PCNT: variants seen among roughly 807,000 people sequenced by gnomAD.
PCNT encodes pericentrin.
Under a neutral mutation model 380.4 loss-of-function variants are expected in PCNT, and 319 were observed. The observed-to-expected ratio is 0.84, with a 90% CI of 0.77 to 0.92. The LOEUF is 0.92. Among genes scored for constraint, PCNT ranks in the 40% least tolerant of loss-of-function variants. The probability of loss-of-function intolerance (pLI) is 0.00; values close to 1 mark genes in which losing one functional copy is unlikely to be tolerated. For synonymous variants in PCNT, 1,845 were observed against 1,735.2 expected, an observed-to-expected ratio of 1.06 and a Z score of -1.57; for missense variants, 4,400 against 4,255.3, an observed-to-expected ratio of 1.03 and a Z score of -0.95.
chr21:46,325,197 C>T, intron 1 of PCNT: 1 of 985,412 alleles, frequency 1.0e-6, no homozygotes, highest in South Asian at 4.7e-5. Flanking sequence ...CGGGAGCAGG[C>T]CGGCCTCTGC....
At chr21:46,389,521 G>A (rs1037025790) in intron 19 of PCNT, 90 bp downstream of exon 19, 19 of 1,029,572 alleles carry the variant, frequency 1.8e-5, no homozygotes, top group South Asian at 1.3e-4. Flanking sequence ...CGGTGCCAAC[G>A]ACGCTCGCAC....
chr21:46,365,944 A>G (rs886301712), intron 14 of PCNT, among the ~76,000 whole-genome samples: 7 of 130,650 alleles, frequency 5.4e-5, no homozygotes, highest in East Asian at 4.9e-4. Context: ...GTGGGGTTCT[A>G]TTCACTGCTG....
chr21:46,440,718 A>G, intron 42 of PCNT, 137 bp from the exon 43 acceptor site: 1 of 529,034 alleles, frequency 1.9e-6, no homozygotes, highest in Admixed American at 3.4e-5. Context: ...ATACTGTTGG[A>G]AGGCCGATGG....
chr21:46,407,402 C>T (rs1485999469), intron 27 of PCNT, among the ~76,000 whole-genome samples: 1 of 131,050 alleles, frequency 7.6e-6, no homozygotes, highest in Non-Finnish European at 1.5e-5. Context: ...AGTGCAATGG[C>T]GCGATCTCGG....
intron 15 of PCNT, among the ~76,000 whole-genome samples, chr21:46,381,464 C>T (rs1472493098): frequency 1.3e-5 from 2 of 152,046 alleles, no homozygotes; most frequent in Non-Finnish European, 2.9e-5. Context: ...GTCACCAGTG[C>T]GAACTTGTGT....
intron 3 of PCNT, among the ~76,000 whole-genome samples, chr21:46,342,343 GTGATC>G (rs982438462): frequency 6.6e-6 from 1 of 152,102 alleles, no homozygotes; most frequent in Non-Finnish European, 1.5e-5. Flanking sequence ...CTGACCTCAG[GTGATC>G]TGCCCCCCTC....
At chr21:46,406,139 G>A (rs1343275045) in intron 27 of PCNT, among the ~76,000 whole-genome samples, 2 of 152,156 alleles carry the variant, frequency 1.3e-5, no homozygotes, top group Non-Finnish European at 2.9e-5. Context: ...TACACTTGTG[G>A]GGAAACGGAG....
chr21:46,337,192 G>C (rs2083772446), intron 3 of PCNT, among the ~76,000 whole-genome samples: 1 of 151,834 alleles, frequency 6.6e-6, no homozygotes, highest in Admixed American at 6.6e-5. Flanking sequence ...GGTCAGGCTG[G>C]TCTCCAACTC....
chr21:46,416,739 C>T lies in PCNT; in HGVS notation c.6821C>T (p.Pro2274Leu), dbSNP rs2070425. The change falls in exon 30 of 47, where the codon CCG becomes CTG. Residue 2274 changes from proline to leucine, a missense_variant. By Grantham distance (98) the Pro-to-Leu change is moderately conservative. Coordinates refer to ENST00000359568, the MANE Select transcript of PCNT (RefSeq NM_006031.6). ...ACCTCGCTGCCACAGACCCAGGGGC[C>T]GGGGCTGCTTTGTTCCCCAGGCGTG... ...ADTSLPQTQGPGLLCSPGVSA... is the reference protein window; with the variant it reads ...ADTSLPQTQGLGLLCSPGVSA... 446,227 of 1,595,446 alleles carry T rather than the reference C, an allele frequency of 0.28. 63,931 individuals are homozygous for T. The highest frequency in any genetic ancestry group is 0.4 in the East Asian group (17,619 of 44,602).
chr21:46,401,732 A>C lies in PCNT; in HGVS notation c.4962+11A>C, dbSNP rs751621857. 1.2e-6 allele frequency: 2 copies of C among 1,613,652 alleles called. No homozygotes were observed. The highest frequency in any genetic ancestry group is 2.7e-5 in the African/African-American group (2 of 74,864). On this transcript the variant is annotated intron_variant, in intron 26 of 46. Coordinates refer to ENST00000359568, the MANE Select transcript of PCNT (RefSeq NM_006031.6). Reference sequence around the variant, plus strand: ...CGGCGCGAGAGCGAGGTGAGTGCAGAGTGGGGCCATGGGACTGCCAGCCCT... The same window carrying C: ...CGGCGCGAGAGCGAGGTGAGTGCAGCGTGGGGCCATGGGACTGCCAGCCCT...
In PCNT at chr21:46,438,278, G is replaced by A. The variant is rs1385155784; in HGVS notation, c.9214G>A (p.Ala3072Thr). ...CCAGGAGAAGCTGGAGCTGAGCAGA[G>A]CCGTGTCTAAGCTTGAGAAGTTGCT... ...VTQEKLELSR[A>T]VSKLEKLLKH... Residue 3072 changes from alanine to threonine, a missense_variant, in exon 41 of 47, where the codon GCC (alanine) becomes ACC (threonine). Coordinates refer to ENST00000359568, the MANE Select transcript of PCNT (RefSeq NM_006031.6). 3 of 1,614,238 alleles carry A rather than the reference G, an allele frequency of 1.9e-6. No homozygotes were observed. Among genetic ancestry groups the A allele is most frequent in the Non-Finnish European group, 2.5e-6 (3 of 1,180,040 alleles).
intron 3 of PCNT, among the ~76,000 whole-genome samples, chr21:46,338,255 G>T (rs569447212): frequency 1.3e-5 from 2 of 152,088 alleles, no homozygotes; most frequent in Middle Eastern, 6.8e-3. Flanking sequence ...AGTTACCCTC[G>T]AGAACAACCC....
intron 15 of PCNT, among the ~76,000 whole-genome samples, chr21:46,368,431 G>T (rs1383544648): frequency 6.6e-6 from 1 of 151,840 alleles, no homozygotes; most frequent in Non-Finnish European, 1.5e-5. Context: ...CTGGGAGACA[G>T]AGCAAGACTC....
At position 46,412,873 on chromosome 21, in the gene PCNT, G is replaced by C; in HGVS notation, c.6031G>C (p.Ala2011Pro). 1 of 1,612,688 alleles carries C rather than the reference G, an allele frequency of 6.2e-7. No individual in the cohort carries two copies. ...LQPVLVTLKD[A>P]PLCKQEGVMS... The stretch of plus-strand genomic sequence containing the variant: ...GCCTGTCCTGGTGACGTTGAAGGAT[G>C]CACCTCTCTGCAAGCAAGAAGGCGT... The change falls in exon 29 of 47, where the codon GCA becomes CCA. Residue 2011 changes from alanine (A) to proline (P), a missense_variant. Coordinates refer to ENST00000359568, the MANE Select transcript of PCNT (RefSeq NM_006031.6).
In PCNT at chr21:46,385,877, C is replaced by T. The variant is rs375135272; in HGVS notation, c.3358C>T (p.Arg1120Cys). 1.4e-5 allele frequency: 22 copies of T among 1,614,162 alleles called. No individual in the cohort carries two copies. The highest frequency in any genetic ancestry group is 2.2e-5 in the East Asian group (1 of 44,880). ...CTTAAGTCACGAGATAGAAGAGTGC[C>T]GCTCCGAGTTGGAGGTGCTGCAGCA... is the stretch of plus-strand genomic sequence containing the variant. ...LSLSHEIEECRSELEVLQQRR... is the reference protein window; with the variant it reads ...LSLSHEIEECCSELEVLQQRR... Residue 1120 changes from arginine to cysteine, a missense_variant, in exon 17 of 47, where the codon CGC becomes TGC. Transcript: ENST00000359568.
rs184750325 is a variant in PCNT at position 46,394,622 on chromosome 21, T to C, written c.4217-2643T>C. The stretch of plus-strand genomic sequence containing the variant: ...CAAATTATTTACTAAAGAAAAGTAC[T>C]TCAGACCTTTTGTGGCAAACAATAA... On this transcript the variant is annotated intron_variant, in intron 21 of 46. Coordinates refer to ENST00000359568, the MANE Select transcript of PCNT (RefSeq NM_006031.6). 37 of 494,898 alleles carry C rather than the reference T, an allele frequency of 7.5e-5. No individual in the cohort carries two copies. In the East Asian group the frequency reaches 5.4e-3, roughly 73 times the overall value. 30.7% of individuals were successfully genotyped at this position (494,898 alleles called of 1,614,324 possible).
At position 46,388,867 on chromosome 21, in the gene PCNT, G is replaced by T. The variant is rs763014546; in HGVS notation, c.3590G>T (p.Gly1197Val). 6.2e-7 allele frequency: 1 copy of T among 1,605,694 alleles called. No individual in the cohort carries two copies. Among genetic ancestry groups the T allele is most frequent in the Admixed American group, 1.7e-5 (1 of 59,664 alleles). The change falls in exon 18 of 47, where the codon GGC becomes GTC. Residue 1197 changes from glycine (G) to valine (V), a missense_variant. Transcript: ENST00000359568. The surrounding 1 kb of genome is among the most constrained non-coding windows in gnomAD (Gnocchi z 4.2). Reference sequence around the variant, plus strand: ...CTCTGCCTGGATGACGCGGGCGCAGGCCTGGCCCTGTCGACAGGTGAGTGT... The same window carrying T: ...CTCTGCCTGGATGACGCGGGCGCAGTCCTGGCCCTGTCGACAGGTGAGTGT... The part of the protein sequence containing the change: ...VGLCLDDAGA[G>V]LALSTAPALE...
intron 27 of PCNT, among the ~76,000 whole-genome samples, chr21:46,403,815 C>T (rs7283601): frequency 0.042 from 4,995 of 118,870 alleles, 216 homozygotes; most frequent in South Asian, 0.078. Flanking sequence ...CCACGCGGCA[C>T]GTGCTCGGTG....
intron 7 of PCNT, 144 bp downstream of exon 7, chr21:46,349,330 C>T (rs1272516677): frequency 5.1e-6 from 4 of 781,870 alleles, no homozygotes; most frequent in Non-Finnish European, 9.1e-6. Context: ...GTGTGACACG[C>T]TGGTGGCCGT....
Sources: allele counts gnomAD v4.1 joint callset (sites outside exome capture counted in the v4.1 genomes callset), GRCh38; gene constraint gnomAD v4.1.1; non-coding constraint Gnocchi (gnomAD v3.1); transcripts MANE v1.5; gene names NCBI Gene and HGNC (gene_info 2026-07-23, HGNC 2026-07-21).